The following CYFIP1 variants were observed in gnomAD, a reference collection of about 807,000 sequenced individuals.
CYFIP1 encodes the protein cytoplasmic FMR1-interacting protein 1.
CYFIP1 carries 58 observed loss-of-function variants against 163.5 expected under a neutral mutation model. That is an observed-to-expected ratio of 0.35 (90% confidence interval 0.29 to 0.44). The LOEUF is 0.44. CYFIP1 is among the 20% of genes least tolerant of loss of function. The pLI, the probability that CYFIP1 is intolerant of heterozygous loss-of-function variation, is 1.00. For missense variants in CYFIP1, 1,338 were observed against 1,653.8 expected (o/e 0.81, Z 3.31); for synonymous variants, 663 against 660.7 (o/e 1.00, Z -0.05).
chr15:22,884,714 C>T (rs1384333263), intron 23 of CYFIP1, among the ~76,000 whole-genome samples: 1 of 152,142 alleles, frequency 6.6e-6, no homozygotes, highest in African/African-American at 2.4e-5. Flanking sequence ...GCTCCAACCC[C>T]CCATTTCCCT....
rs2062764183 is a variant in CYFIP1 at position 22,963,504 on chromosome 15, CATAACAT to C, written c.-6-16220_-6-16214del. The stretch of plus-strand genomic sequence containing the variant: ...AAACTCTGTTTCAAAAATAACATAA[CATAACAT>C]AACATAACATAACATAACATAACAT... On this transcript the variant is annotated intron_variant, in intron 1 of 30. Transcript: ENST00000617928. Among the ~76,000 whole-genome samples, 2 of 63,668 alleles carry C rather than the reference CATAACAT, an allele frequency of 3.1e-5. 1 individual carries two copies. The highest frequency in any genetic ancestry group is 7.0e-5 in the Non-Finnish European group (2 of 28,516). The allele number at this position is 63,668 out of a possible 152,430, so 41.8% of individuals were successfully genotyped here.
chr15:22,897,641 G>A (rs1251767379), intron 22 of CYFIP1, among the ~76,000 whole-genome samples: 1 of 151,990 alleles, frequency 6.6e-6, no homozygotes, highest in African/African-American at 2.4e-5. Context: ...CTGCCACCAC[G>A]CCTGGCTAAT....
intron 5 of CYFIP1, among the ~76,000 whole-genome samples, chr15:22,944,010 G>A (rs1301549467): frequency 1.3e-5 from 2 of 152,016 alleles, no homozygotes; most frequent in African/African-American, 4.8e-5. Context: ...AGGCCAAGAT[G>A]GGCAGATCAT....
rs117514918 is a variant in CYFIP1, at chr15:22,962,937, C to T, written c.-6-15646G>A. 4.8e-4 allele frequency among the ~76,000 whole-genome samples: 73 copies of T among 152,272 alleles called. 1 individual carries two copies. The East Asian group carries it at 0.014, about 29-fold the overall frequency. On this transcript the variant is annotated intron_variant, in intron 1 of 30. Coordinates refer to ENST00000617928, the MANE Select transcript of CYFIP1 (RefSeq NM_014608.6). ...TGCTGCTCAGAACCAATGCCATTTG[C>T]AGACACTTGGCTGTCATGACCTCTG...
chr15:22,917,387 C>T lies in CYFIP1; in HGVS notation c.1674+401G>A, dbSNP rs1233828469. The T allele has an allele frequency of 2.1e-6, 2 of 948,576 alleles. No individual in the cohort carries two copies. The highest frequency in any genetic ancestry group is 2.7e-5 in the South Asian group (1 of 37,476). The allele number at this position is 948,576 out of a possible 1,614,324, so 58.8% of individuals were successfully genotyped here. A position where few individuals can be genotyped will look rare whatever the true frequency, so the allele number is the denominator to read the frequency against. ...GAGAGGACAGTGGGCAGCTTAGGAC[C>T]ATGACACACGCAAGCAGCACCTCAC... On this transcript the variant is annotated intron_variant, in intron 15 of 30. Transcript: ENST00000617928. This position sits in a 1 kb window ranked among gnomAD's most constrained non-coding sequence, Gnocchi z 4.2.
chr15:22,909,390 C>T, intron 20 of CYFIP1, 77 bp from the exon 21 acceptor site: 1 of 1,578,000 alleles, frequency 6.3e-7, no homozygotes, highest in Non-Finnish European at 8.7e-7. Context: ...TCACCAGAGA[C>T]CCTGGAGAAG....
At chr15:22,980,131 C>CGGAGGCCGCGCCGCCGG (rs1282357861) in intron 1 of CYFIP1, among the ~76,000 whole-genome samples, 156 bp downstream of exon 1, 49 of 104,086 alleles carry the variant, frequency 4.7e-4, no homozygotes, top group East Asian at 4.6e-3. Context: ...AGGACGATCC[C>CGGAGGCCGCGCCGCCGG]GGAGGCCGCG....
chr15:22,972,541 GAAAT>G (rs1356676698), intron 1 of CYFIP1, among the ~76,000 whole-genome samples: 2 of 152,276 alleles, frequency 1.3e-5, no homozygotes, highest in South Asian at 2.1e-4. Flanking sequence ...ATAGAGCCTG[GAAAT>G]AAATGCATGC....
intron 17 of CYFIP1, among the ~76,000 whole-genome samples, chr15:22,914,119 T>C (rs968252805): frequency 3.3e-5 from 5 of 152,188 alleles, no homozygotes. Flanking sequence ...GTTCAATCAA[T>C]ACTTCCTTTC....
chr15:22,867,819 G>A lies in CYFIP1; in HGVS notation c.*2209C>T. 6.6e-6 allele frequency: 1 copy of A among 151,206 alleles called. No individual in the cohort carries two copies. The highest frequency in any genetic ancestry group is 1.5e-5 in the Non-Finnish European group (1 of 67,808). 9.4% of individuals were successfully genotyped at this position (151,206 alleles called of 1,614,324 possible). ...GTACTTTGCTTAAGAGCTCCTTTGG[G>A]CCACTACATATTTTGGTTTCTAGAA... is the stretch of plus-strand genomic sequence containing the variant. On this transcript the variant is annotated 3_prime_UTR_variant, in exon 31 of 31. Coordinates refer to ENST00000617928, the MANE Select transcript of CYFIP1 (RefSeq NM_014608.6).
intron 10 of CYFIP1, among the ~76,000 whole-genome samples, chr15:22,933,003 T>C (rs2061587545): frequency 6.6e-6 from 1 of 151,958 alleles, no homozygotes; most frequent in South Asian, 2.1e-4. Flanking sequence ...CGGCTAATTT[T>C]TGTATTTTTT....
chr15:22,974,201 G>C (rs866995796), intron 1 of CYFIP1, among the ~76,000 whole-genome samples: 1 of 152,070 alleles, frequency 6.6e-6, no homozygotes, highest in Non-Finnish European at 1.5e-5. Flanking sequence ...AATGAAATCC[G>C]TATGTCCAAG....
chr15:22,920,545 G>A (rs1008754934), intron 13 of CYFIP1, among the ~76,000 whole-genome samples: 6 of 151,818 alleles, frequency 4.0e-5, no homozygotes, highest in Admixed American at 2.0e-4. Flanking sequence ...TATGATTTTG[G>A]TGCTTTTCTT....
chr15:22,951,891 C>T (rs976349063), intron 1 of CYFIP1, among the ~76,000 whole-genome samples: 2 of 151,720 alleles, frequency 1.3e-5, no homozygotes, highest in Non-Finnish European at 2.9e-5. Context: ...CACGGAAAAA[C>T]GCCAGATGCG....
chr15:22,959,806 C>T (rs1021866333), intron 1 of CYFIP1, among the ~76,000 whole-genome samples: 8 of 152,230 alleles, frequency 5.3e-5, no homozygotes, highest in Non-Finnish European at 1.2e-4. Context: ...ACCAGCCTCT[C>T]AGGTTCTCCT....
chr15:22,875,870 C>T (rs2059569004), intron 26 of CYFIP1, among the ~76,000 whole-genome samples: 1 of 101,248 alleles, frequency 9.9e-6, no homozygotes. Context: ...ACACAAGGTC[C>T]GTTCTCCAGA....
At chr15:22,895,592 A>C (rs1278372012) in intron 22 of CYFIP1, among the ~76,000 whole-genome samples, 1 of 152,162 alleles carries the variant, frequency 6.6e-6, no homozygotes, top group Non-Finnish European at 1.5e-5. Context: ...GAGTGACAGG[A>C]ATGACTGGTA....
At chr15:22,948,037 G>A in intron 1 of CYFIP1, 4 of 975,762 alleles carry the variant, frequency 4.1e-6, no homozygotes, top group Non-Finnish European at 4.9e-6. Context: ...ATTCTATGAA[G>A]GAAAGAGCAG....
intron 9 of CYFIP1, 53 bp from the exon 10 acceptor site, chr15:22,933,946 T>C (rs2061619064): frequency 7.6e-7 from 1 of 1,309,696 alleles, no homozygotes; most frequent in Non-Finnish European, 1.1e-6. Flanking sequence ...AGTCACCAAA[T>C]ACATAAGCAC....
Sources: gnomAD v4.1 joint callset for allele counts (sites outside exome capture counted in the v4.1 genomes callset) on GRCh38, gnomAD v4.1.1 for gene constraint, Gnocchi (gnomAD v3.1) non-coding constraint, MANE v1.5 for transcripts, NCBI Gene and HGNC (gene_info 2026-07-23, HGNC 2026-07-21) for gene names.